The following NREP variants were observed in gnomAD, a reference collection of about 807,000 sequenced individuals.
The protein encoded by NREP is neuronal regeneration-related protein.
In NREP, 5 loss-of-function variants were observed where a neutral mutation model predicts 8.6. The observed-to-expected ratio is 0.58, with a 90% confidence interval of 0.30 to 1.22. NREP has a LOEUF of 1.22. NREP is among the 50% of genes most tolerant of loss of function. The probability of loss-of-function intolerance (pLI) is 0.07; values close to 1 mark genes in which losing one functional copy is unlikely to be tolerated. For missense variants in NREP, 86 were observed against 82.5 expected (o/e 1.04, Z -0.17); for synonymous variants, 27 against 28.0 (o/e 0.96, Z 0.11).
Position 111,730,826 on chromosome 5 carries a change from T to A in NREP, c.*95A>T, listed in dbSNP as rs1748479007. 1.4e-6 allele frequency: 2 copies of A among 1,392,230 alleles called. No homozygotes were observed. The highest frequency in any genetic ancestry group is 1.4e-5 in the African/African-American group (1 of 69,844). 86.2% of individuals were successfully genotyped at this position (1,392,230 alleles called of 1,614,324 possible). A position where few individuals can be genotyped will look rare whatever the true frequency, so the allele number is the denominator to read the frequency against. ...CTCAGAGTCCCATAGTTTCTTCTTA[T>A]ACTTGATGATTTACACAGAAAAAAA... On this transcript the variant is annotated 3_prime_UTR_variant, in exon 4 of 4. Transcript: ENST00000257435.
intron 2 of NREP, among the ~76,000 whole-genome samples, chr5:111,858,803 A>T (rs1277208641): frequency 6.6e-6 from 1 of 152,164 alleles, no homozygotes; most frequent in East Asian, 1.9e-4. Flanking sequence ...TTTAAACAAG[A>T]TTCCTCTACC....
chr5:111,805,828 G>C (rs1407062919), intron 2 of NREP, among the ~76,000 whole-genome samples: 2 of 152,078 alleles, frequency 1.3e-5, no homozygotes, highest in Non-Finnish European at 2.9e-5. Context: ...TCAGTAAGCA[G>C]GATAAATAAA....
At chr5:111,835,662 T>G (rs1752875656) in intron 2 of NREP, among the ~76,000 whole-genome samples, 1 of 152,148 alleles carries the variant, frequency 6.6e-6, no homozygotes, top group South Asian at 2.1e-4. Flanking sequence ...ATAGGTTACT[T>G]GTAACCTTAA....
At chr5:111,950,038 C>T (rs1756109656) in intron 2 of NREP, among the ~76,000 whole-genome samples, 1 of 152,044 alleles carries the variant, frequency 6.6e-6, no homozygotes, top group Non-Finnish European at 1.5e-5. Context: ...CTAATTTACA[C>T]TCCCACCAAC....
intron 2 of NREP, among the ~76,000 whole-genome samples, chr5:111,937,335 T>C (rs1167931792): frequency 2.6e-5 from 4 of 152,124 alleles, no homozygotes; most frequent in Admixed American, 2.0e-4. Context: ...CTGCACGTAG[T>C]ATTCAAGCAT....
At position 111,737,573 on chromosome 5, in the gene NREP, G is replaced by A. The variant is rs116107141; in HGVS notation, c.4-2066C>T. On this transcript the variant is annotated intron_variant, in intron 2 of 3. Coordinates refer to ENST00000257435, the MANE Select transcript of NREP (RefSeq NM_004772.4). ...CTTTTCTGGGATATTCCATTTTAAC[G>A]AAATGACACTGCTTTAACATTTAAC... Among the ~76,000 whole-genome samples the A allele has an allele frequency of 3.7e-3, 564 of 152,092 alleles. 10 individuals carry two copies. The highest frequency in any genetic ancestry group is 0.013 in the African/African-American group (535 of 41,516).
chr5:111,955,209 G>A (rs1756275512), intron 2 of NREP, among the ~76,000 whole-genome samples: 1 of 152,090 alleles, frequency 6.6e-6, no homozygotes, highest in Admixed American at 6.6e-5. Flanking sequence ...CTCTCAGCCA[G>A]CATTTGTTGA....
chr5:111,825,898 C>G (rs1437728441), intron 2 of NREP, among the ~76,000 whole-genome samples: 3 of 151,796 alleles, frequency 2.0e-5, no homozygotes, highest in Non-Finnish European at 4.4e-5. Flanking sequence ...GCACCTAGGT[C>G]ATATGACTGC....
chr5:111,929,235 C>T (rs1755473230), intron 2 of NREP, among the ~76,000 whole-genome samples: 1 of 152,132 alleles, frequency 6.6e-6, no homozygotes, highest in Non-Finnish European at 1.5e-5. Flanking sequence ...CAAAATATTT[C>T]ATTTAATTGT....
chr5:111,803,249 G>A, intron 2 of NREP, among the ~76,000 whole-genome samples: 1 of 152,122 alleles, frequency 6.6e-6, no homozygotes, highest in East Asian at 1.9e-4. Context: ...AGTTATGAGA[G>A]TAGGTAAACC....
intron 2 of NREP, among the ~76,000 whole-genome samples, chr5:111,909,217 T>A (rs1055372204): frequency 3.3e-5 from 5 of 151,966 alleles, no homozygotes; most frequent in Admixed American, 1.3e-4. Flanking sequence ...CCATAAGAGA[T>A]AATTAAGTTG....
intron 2 of NREP, among the ~76,000 whole-genome samples, chr5:111,862,330 T>C (rs2112483016): frequency 6.6e-6 from 1 of 152,252 alleles, no homozygotes; most frequent in East Asian, 1.9e-4. Context: ...TCCAAAGACA[T>C]ATGTCAGATA....
upstream of NREP, among the ~76,000 whole-genome samples, chr5:111,759,688 T>C (rs73787373): frequency 0.042 from 6,341 of 152,278 alleles, 441 homozygotes; most frequent in African/African-American, 0.14. Context: ...AGAAACATTC[T>C]TGAGTCTCCT....
chr5:111,867,234 A>G (rs1202654786), intron 2 of NREP, among the ~76,000 whole-genome samples: 1 of 152,136 alleles, frequency 6.6e-6, no homozygotes, highest in Non-Finnish European at 1.5e-5. Flanking sequence ...TGAGTGGCTT[A>G]AACAACAGAC....
chr5:111,931,938 T>C lies in NREP; in HGVS notation c.135+43336A>G, dbSNP rs1755548846. On this transcript the variant is annotated intron_variant, in intron 2 of 3. Transcript: ENST00000395634. ...ACAACCATCTGGTGAGAGGCTGAAA[T>C]CACTCTGGTTATGATTAAACCAATT... is the stretch of plus-strand genomic sequence containing the variant. Among the ~76,000 whole-genome samples, 2 of 152,026 alleles carry C rather than the reference T, an allele frequency of 1.3e-5. 1 individual carries two copies. The highest frequency in any genetic ancestry group is 4.8e-5 in the African/African-American group (2 of 41,414).
intron 2 of NREP, among the ~76,000 whole-genome samples, chr5:111,898,398 C>T (rs1274557836): frequency 6.6e-6 from 1 of 152,134 alleles, no homozygotes; most frequent in Non-Finnish European, 1.5e-5. Context: ...AAGAGAAGGA[C>T]TGAATCTCAA....
At chr5:111,857,809 G>A (rs1207368090) in intron 2 of NREP, among the ~76,000 whole-genome samples, 1 of 152,128 alleles carries the variant, frequency 6.6e-6, no homozygotes, top group African/African-American at 2.4e-5. Flanking sequence ...GGATGCATAT[G>A]CTGTTTTCTG....
At chr5:111,821,059 C>T (rs1283811116) in intron 2 of NREP, among the ~76,000 whole-genome samples, 1 of 152,136 alleles carries the variant, frequency 6.6e-6, no homozygotes, top group Non-Finnish European at 1.5e-5. Context: ...TTCAAAAGCA[C>T]ACCAAGTGCA....
intron 2 of NREP, among the ~76,000 whole-genome samples, chr5:111,826,455 C>G (rs992668476): frequency 6.6e-6 from 1 of 152,166 alleles, no homozygotes; most frequent in East Asian, 1.9e-4. Flanking sequence ...GTAACACTGA[C>G]CATGAAGGTC....
Sources: gnomAD v4.1 joint callset for allele counts (sites outside exome capture counted in the v4.1 genomes callset) on GRCh38, gnomAD v4.1.1 for gene constraint, MANE v1.5 for transcripts, NCBI Gene and HGNC (gene_info 2026-07-23, HGNC 2026-07-21) for gene names.